GRID2IP: variants seen among roughly 807,000 people sequenced by gnomAD.
GRID2IP encodes Grid2 interacting protein.
GRID2IP carries 78 observed loss-of-function variants against 114.3 expected under a neutral mutation model. The ratio of observed to expected loss-of-function variants is 0.68; its 90% CI spans 0.57 to 0.82. The LOEUF (loss-of-function observed/expected upper bound fraction) is 0.82. GRID2IP is among the 40% of genes least tolerant of loss of function. The pLI, the probability that GRID2IP is intolerant of heterozygous loss-of-function variation, is 0.00. For missense variants in GRID2IP, 1,727 were observed against 1,678.5 expected (o/e 1.03, Z -0.51); for synonymous variants, 809 against 724.0 (o/e 1.12, Z -1.89).
rs530337756 is a variant in GRID2IP at position 6,501,878 on chromosome 7, C to T, written c.3302G>A (p.Ser1101Asn). The change falls in exon 20 of 22, where the codon AGT becomes AAT. Residue 1101 changes from serine (S) to asparagine (N), a missense_variant. Physicochemically the swap from Ser to Asn is conservative, Grantham distance 46 (BLOSUM62 1). Coordinates refer to ENST00000457091, the MANE Select transcript of GRID2IP (RefSeq NM_001145118.2). ...AAKVNQRALT[S>N]DLADLHGTIS... The stretch of plus-strand genomic sequence containing the variant: ...AGTGCCATGGAGGTCAGCCAGGTCA[C>T]TGGTCAGGGCCCGTTGGTTCACTGT... The T allele has an allele frequency of 1.3e-6, 2 of 1,551,594 alleles. No individual in the cohort carries two copies. The highest frequency in any genetic ancestry group is 1.7e-6 in the Non-Finnish European group (2 of 1,146,990).
intron 1 of GRID2IP, among the ~76,000 whole-genome samples, chr7:6,545,615 A>G (rs1328132282): frequency 1.3e-5 from 2 of 152,220 alleles, no homozygotes; most frequent in Non-Finnish European, 2.9e-5. Context: ...TCTGAATCCT[A>G]GCACAGATGC....
intron 1 of GRID2IP, 32 bp downstream of exon 1, chr7:6,550,976 T>TGGCC: frequency 1.2e-5 from 12 of 1,015,756 alleles, no homozygotes; most frequent in Non-Finnish European, 1.2e-5. Flanking sequence ...GCCCCCTCCT[T>TGGCC]CCCGCCCCCA....
intron 18 of GRID2IP, 62 bp downstream of exon 18, chr7:6,502,724 C>A: frequency 8.1e-7 from 1 of 1,232,668 alleles, no homozygotes; most frequent in South Asian, 1.3e-5. Flanking sequence ...CTGAGCTAGG[C>A]CTGGCGTTAG....
intron 1 of GRID2IP, among the ~76,000 whole-genome samples, chr7:6,541,346 C>A (rs1041514383): frequency 2.6e-5 from 4 of 152,196 alleles, no homozygotes; most frequent in African/African-American, 9.7e-5. Flanking sequence ...ACCACACATT[C>A]AGTAATTGCT....
Position 6,513,241 on chromosome 7 carries a change from T to C in GRID2IP, c.1423+1134A>G, listed in dbSNP as rs532704918. On this transcript the variant is annotated intron_variant, in intron 8 of 21. Transcript: ENST00000457091. ...ACGTGAGTTTCTTTCTTTTTTCTTT[T>C]TTTCTTTCCTTTTTTTTTTTCTGGA... 1.7e-3 allele frequency among the ~76,000 whole-genome samples: 253 copies of C among 152,010 alleles called. 2 individuals are homozygous for C. The highest frequency in any genetic ancestry group is 5.7e-3 in the African/African-American group (238 of 41,462).
intron 17 of GRID2IP, 43 bp downstream of exon 17, chr7:6,502,965 G>T: frequency 6.5e-7 from 1 of 1,549,802 alleles, no homozygotes; most frequent in African/African-American, 1.4e-5. Flanking sequence ...GCCCCAGGAG[G>T]CAGAGAAGCA....
Position 6,521,881 on chromosome 7 carries a change from C to T in GRID2IP, c.989+7G>A, listed in dbSNP as rs1188552894. The T allele has an allele frequency of 6.5e-7, 1 of 1,550,370 alleles. No individual in the cohort carries two copies. Among genetic ancestry groups the T allele is most frequent in the Non-Finnish European group, 8.7e-7 (1 of 1,145,856 alleles). On this transcript the variant is annotated splice_region_variant and intron_variant, in intron 5 of 21. Transcript: ENST00000457091. The surrounding 1 kb of genome is among the most constrained non-coding windows in gnomAD (Gnocchi z 4.1). Reference sequence around the variant, plus strand: ...ACCAACCCCTGGTGTCCCCAATAGCCTCTGACCTCATGTCCAGTCCATTGA... The same window carrying T: ...ACCAACCCCTGGTGTCCCCAATAGCTTCTGACCTCATGTCCAGTCCATTGA...
Position 6,497,404 on chromosome 7 carries a change from T to G in GRID2IP, c.*370A>C, listed in dbSNP as rs779656380. ...TGTCGGCCCCCTCACAGGGACCCAC[T>G]AGGAGCAGGATCAGAAAAAAGGTCC... On this transcript the variant is annotated 3_prime_UTR_variant, in exon 22 of 22. Transcript: ENST00000457091. The G allele has an allele frequency of 1.1e-5, 2 of 176,196 alleles. No individual in the cohort carries two copies. Among genetic ancestry groups the G allele is most frequent in the African/African-American group, 2.4e-5 (1 of 42,308 alleles). 10.9% of individuals were successfully genotyped at this position (176,196 alleles called of 1,614,324 possible).
rs780384430 is a variant in GRID2IP at position 6,502,123 on chromosome 7, A to G, written c.3151-5T>C. On this transcript the variant is annotated splice_region_variant and splice_polypyrimidine_tract_variant and intron_variant, in intron 18 of 21. Transcript: ENST00000457091. ...CACTGTCTTGGTGGAGTTCAGCTGC[A>G]AGTGACCCCCAATATACATTCCCGT... 1.9e-5 allele frequency: 30 copies of G among 1,550,994 alleles called. No individual in the cohort carries two copies. Among genetic ancestry groups the G allele is most frequent in the Non-Finnish European group, 2.6e-5 (30 of 1,146,840 alleles).
chr7:6,543,621 T>C (rs1422810231), intron 1 of GRID2IP, among the ~76,000 whole-genome samples: 1 of 151,952 alleles, frequency 6.6e-6, no homozygotes, highest in Admixed American at 6.6e-5. Context: ...TCATCTTTTT[T>C]TTTCTGGAGT....
In GRID2IP at chr7:6,509,670, C is replaced by G. The variant is rs1786705506; in HGVS notation, c.1772-357G>C. Reference sequence around the variant, plus strand: ...GAGCGTCTCGCGCACCCAGCAAGCCCTGAGATCACAGGAGGGCCTCCCAGG... The same window carrying G: ...GAGCGTCTCGCGCACCCAGCAAGCCGTGAGATCACAGGAGGGCCTCCCAGG... On this transcript the variant is annotated intron_variant, in intron 11 of 21. Transcript: ENST00000457091. The surrounding 1 kb of genome is among the most constrained non-coding windows in gnomAD (Gnocchi z 4.9). 6.6e-6 allele frequency among the ~76,000 whole-genome samples: 1 copy of G among 152,178 alleles called. No individual in the cohort carries two copies. The highest frequency in any genetic ancestry group is 2.1e-4 in the South Asian group (1 of 4,830).
At chr7:6,511,530 G>A (rs531041193) in intron 8 of GRID2IP, among the ~76,000 whole-genome samples, 15 of 152,046 alleles carry the variant, frequency 9.9e-5, no homozygotes, top group African/African-American at 3.6e-4. Context: ...CCGTCACCAT[G>A]CCTGGCTAAT....
Position 6,539,842 on chromosome 7 carries a change from CAGTTGGCTGGT to C in GRID2IP, c.449_459del (p.Asp150GlyfsTer15), listed in dbSNP as rs1779786059. ...AGTGCAGCGAACACCTGCTCCTTGG[CAGTTGGCTGGT>C]CCCCCAAGATTTCATCCACCTGCAA... is the stretch of plus-strand genomic sequence containing the variant. On this transcript the variant is annotated frameshift_variant, in exon 2 of 22. Coordinates refer to ENST00000457091, the MANE Select transcript of GRID2IP (RefSeq NM_001145118.2). LOFTEE classifies it high-confidence loss of function. 6.4e-7 allele frequency: 1 copy of C among 1,551,358 alleles called. No homozygotes were observed. Among genetic ancestry groups the C allele is most frequent in the East Asian group, 2.4e-5 (1 of 40,910 alleles).
In GRID2IP at chr7:6,547,381, C is replaced by CT. The variant is rs370572345; in HGVS notation, c.429+3626dup. Among the ~76,000 whole-genome samples the CT allele has an allele frequency of 5.4e-3, 780 of 145,602 alleles. 8 individuals carry two copies. The highest frequency in any genetic ancestry group is 0.017 in the African/African-American group (684 of 39,918). On this transcript the variant is annotated intron_variant, in intron 1 of 21. Coordinates refer to ENST00000457091, the MANE Select transcript of GRID2IP (RefSeq NM_001145118.2). ...CATAGCAAGACCTCATCTCCCCAGT[C>CT]TTTTTTTTTTTTCTTAATCAGCCAG...
At position 6,549,588 on chromosome 7, in the gene GRID2IP, A is replaced by C. The variant is rs115856155; in HGVS notation, c.429+1420T>G. On this transcript the variant is annotated intron_variant, in intron 1 of 21. Coordinates refer to ENST00000457091, the MANE Select transcript of GRID2IP (RefSeq NM_001145118.2). ...TAATCCTGGTTTTGTGGGGGCTTAG[A>C]ACAGGCGGAATTCTTTTACATTTTT... Among the ~76,000 whole-genome samples the C allele has an allele frequency of 5.1e-3, 771 of 152,260 alleles. 10 individuals are homozygous for C. The highest frequency in any genetic ancestry group is 0.018 in the African/African-American group (740 of 41,554).
At chr7:6,529,643 C>T (rs1779578849) in intron 2 of GRID2IP, among the ~76,000 whole-genome samples, 1 of 152,170 alleles carries the variant, frequency 6.6e-6, no homozygotes, top group Admixed American at 6.5e-5. Context: ...GCCCAGAGTC[C>T]CCAGCCCTGG....
chr7:6,537,392 T>TG (rs1779744811), intron 2 of GRID2IP, among the ~76,000 whole-genome samples: 1 of 142,914 alleles, frequency 7.0e-6, no homozygotes, highest in African/African-American at 2.6e-5. Flanking sequence ...TTTTTTTTTT[T>TG]TTTGAGACAG....
Position 6,521,298 on chromosome 7 carries a change from G to A in GRID2IP, c.1084+131C>T, listed in dbSNP as rs1779406086. 1.6e-6 allele frequency: 1 copy of A among 626,150 alleles called. No homozygotes were observed. The highest frequency in any genetic ancestry group is 1.9e-5 in the African/African-American group (1 of 53,862). The allele number at this position is 626,150 out of a possible 1,614,324, so 38.8% of individuals were successfully genotyped here. ...ACTGGGGTTCTATAGCACCACTTAG[G>A]AGGCAGCCCCGGGGAGGCAAGCTGC... On this transcript the variant is annotated intron_variant, in intron 6 of 21. Coordinates refer to ENST00000457091, the MANE Select transcript of GRID2IP (RefSeq NM_001145118.2). The surrounding 1 kb of genome is among the most constrained non-coding windows in gnomAD (Gnocchi z 4.1).
chr7:6,515,700 C>T (rs1353500658), intron 7 of GRID2IP, among the ~76,000 whole-genome samples: 2 of 150,258 alleles, frequency 1.3e-5, no homozygotes, highest in Non-Finnish European at 3.0e-5. Context: ...ATCGCCTCGC[C>T]TGAGCTCGGG....
Sources: allele counts gnomAD v4.1 joint callset (sites outside exome capture counted in the v4.1 genomes callset), GRCh38; gene constraint gnomAD v4.1.1; non-coding constraint Gnocchi (gnomAD v3.1); transcripts MANE v1.5; gene names NCBI Gene and HGNC (gene_info 2026-07-23, HGNC 2026-07-21).